FTO: variants seen among roughly 807,000 people sequenced by gnomAD.
FTO encodes FTO alpha-ketoglutarate dependent dioxygenase, also known as alpha-ketoglutarate-dependent dioxygenase FTO.
A neutral mutation model predicts 63.9 loss-of-function variants in FTO; 47 were observed. That is an observed-to-expected ratio of 0.74 (90% CI 0.58 to 0.94). The LOEUF is 0.94. FTO is among the 40% of genes least tolerant of loss of function. The pLI is 0.00. For missense variants in FTO, 562 were observed against 618.1 expected (o/e 0.91, Z 0.96); for synonymous variants, 207 against 224.4 (o/e 0.92, Z 0.69).
At chr16:53,877,466 T>C (rs2080690189) in intron 5 of FTO, among the ~76,000 whole-genome samples, 2 of 152,208 alleles carry the variant, frequency 1.3e-5, no homozygotes, top group Non-Finnish European at 2.9e-5. Flanking sequence ...ATAATTCATT[T>C]ATATGAAGTG....
chr16:53,773,530 C>T (rs1350873684), intron 1 of FTO, among the ~76,000 whole-genome samples: 1 of 152,114 alleles, frequency 6.6e-6, no homozygotes, highest in Non-Finnish European at 1.5e-5. Flanking sequence ...GTTAACTATG[C>T]TTATTTGGTG....
intron 8 of FTO, among the ~76,000 whole-genome samples, chr16:54,073,574 T>C (rs2085919696): frequency 6.6e-6 from 1 of 150,778 alleles, no homozygotes; most frequent in Non-Finnish European, 1.5e-5. Context: ...GGAAAGCTAG[T>C]GGTTACTGGG....
chr16:53,997,295 C>T (rs977141322), intron 8 of FTO, among the ~76,000 whole-genome samples: 4 of 151,830 alleles, frequency 2.6e-5, no homozygotes, highest in South Asian at 2.1e-4. Flanking sequence ...TGGGGGTAAC[C>T]GCCCCCATGA....
chr16:53,842,381 AAAT>A (rs2079502155), intron 3 of FTO, among the ~76,000 whole-genome samples: 1 of 152,234 alleles, frequency 6.6e-6, no homozygotes, highest in Non-Finnish European at 1.5e-5. Flanking sequence ...AATGACCAGT[AAAT>A]AGTAAGTGCT....
intron 8 of FTO, among the ~76,000 whole-genome samples, chr16:54,099,144 C>G (rs1240276860): frequency 6.6e-6 from 1 of 152,124 alleles, no homozygotes; most frequent in African/African-American, 2.4e-5. Context: ...TGATACTACC[C>G]GGTGGGGATT....
At chr16:54,085,442 T>C (rs1335795786) in intron 8 of FTO, among the ~76,000 whole-genome samples, 3 of 152,200 alleles carry the variant, frequency 2.0e-5, no homozygotes, top group Non-Finnish European at 4.4e-5. Flanking sequence ...TTTTAGTTTA[T>C]TATGAGTACA....
At chr16:53,950,167 A>AAAAAAACAAAAAAAAAAAAAACAAAAAAC in intron 8 of FTO, among the ~76,000 whole-genome samples, 3 of 147,896 alleles carry the variant, frequency 2.0e-5, no homozygotes, top group Non-Finnish European at 4.5e-5. Context: ...AAAAAAAAAA[A>AAAAAAACAAAAAAAAAAAAAACAAAAAAC]AAAAAAAAAA....
At chr16:53,778,965 T>C (rs1460620988) in intron 1 of FTO, among the ~76,000 whole-genome samples, 1 of 152,042 alleles carries the variant, frequency 6.6e-6, no homozygotes, top group Non-Finnish European at 1.5e-5. Flanking sequence ...TAGGACCTCC[T>C]ATTTGGGACA....
intron 7 of FTO, among the ~76,000 whole-genome samples, chr16:53,906,456 G>T (rs1213997971): frequency 6.6e-6 from 1 of 152,202 alleles, no homozygotes; most frequent in Admixed American, 6.5e-5. Context: ...TTGAGTGCCT[G>T]CTGTGTTTCC....
intron 8 of FTO, among the ~76,000 whole-genome samples, chr16:53,966,794 A>G (rs1381330621): frequency 5.3e-5 from 8 of 152,264 alleles, no homozygotes; most frequent in Admixed American, 6.5e-5. Flanking sequence ...TAGATATGAA[A>G]GACAGGTAGC....
intron 8 of FTO, among the ~76,000 whole-genome samples, chr16:54,053,721 C>G (rs1250898811): frequency 6.6e-6 from 1 of 152,120 alleles, no homozygotes; most frequent in Non-Finnish European, 1.5e-5. Flanking sequence ...TTTGTCAAGC[C>G]CAGTGTTCAC....
intron 8 of FTO, among the ~76,000 whole-genome samples, chr16:54,049,381 G>A (rs1389050309): frequency 6.6e-6 from 1 of 152,196 alleles, no homozygotes; most frequent in African/African-American, 2.4e-5. Flanking sequence ...TATGCCGGTA[G>A]CACATGCTGG....
chr16:53,835,117 A>G (rs1353083564), intron 3 of FTO, among the ~76,000 whole-genome samples: 2 of 152,148 alleles, frequency 1.3e-5, no homozygotes, highest in Admixed American at 6.5e-5. Context: ...CTTGCTATCT[A>G]CCACATCTCC....
chr16:53,757,687 C>A (rs1381618464), intron 1 of FTO, among the ~76,000 whole-genome samples: 4 of 152,068 alleles, frequency 2.6e-5, no homozygotes, highest in African/African-American at 9.7e-5. Context: ...ACCTCTAAAG[C>A]GTTATGATTT....
intron 8 of FTO, among the ~76,000 whole-genome samples, chr16:54,027,433 G>GT (rs1319417178): frequency 6.6e-6 from 1 of 152,124 alleles, no homozygotes; most frequent in African/African-American, 2.4e-5. Context: ...CACATCGAAT[G>GT]TTTCTTTGCT....
intron 4 of FTO, among the ~76,000 whole-genome samples, chr16:53,866,418 T>A (rs2080316691): frequency 6.6e-6 from 1 of 152,194 alleles, no homozygotes; most frequent in Non-Finnish European, 1.5e-5. Flanking sequence ...GTATTCCCTG[T>A]GTTACCTTCT....
intron 7 of FTO, chr16:53,911,566 C>G: frequency 2.9e-6 from 2 of 687,906 alleles, no homozygotes; most frequent in South Asian, 3.1e-5. Flanking sequence ...AGACATTTCT[C>G]AGAAACCATT....
intron 4 of FTO, among the ~76,000 whole-genome samples, chr16:53,866,278 T>G (rs1426147523): frequency 6.6e-6 from 1 of 152,194 alleles, no homozygotes; most frequent in Non-Finnish European, 1.5e-5. Flanking sequence ...TTTTATACAT[T>G]GTTACATTCA....
At chr16:53,817,856 T>C (rs1287295379) in intron 2 of FTO, among the ~76,000 whole-genome samples, 1 of 152,196 alleles carries the variant, frequency 6.6e-6, no homozygotes, top group African/African-American at 2.4e-5. Flanking sequence ...AAAATACCTT[T>C]CCAAATACTT....
Sources: allele counts gnomAD v4.1 joint callset (sites outside exome capture counted in the v4.1 genomes callset), GRCh38; gene constraint gnomAD v4.1.1; transcripts MANE v1.5; gene names NCBI Gene and HGNC (gene_info 2026-07-23, HGNC 2026-07-21).